The following PRKAR1A variants were observed in gnomAD, a reference collection of about 807,000 sequenced individuals.
PRKAR1A encodes the protein cAMP-dependent protein kinase type I-alpha regulatory subunit.
PRKAR1A carries 3 observed loss-of-function variants against 52.0 expected under a neutral mutation model. The observed-to-expected ratio is 0.06, with a 90% confidence interval of 0.03 to 0.15. The LOEUF (loss-of-function observed/expected upper bound fraction) is 0.15. PRKAR1A is among the 10% of genes least tolerant of loss of function. The pLI, the probability that PRKAR1A is intolerant of heterozygous loss-of-function variation, is 1.00. For synonymous variants in PRKAR1A, 188 were observed against 168.4 expected (o/e 1.12, Z -0.90); for missense variants, 240 against 477.4 (o/e 0.50, Z 4.63).
At chr17:68,426,161 C>T in the PRKAR1A span, 57 of 1,606,166 alleles carry the variant, frequency 3.5e-5, no homozygotes, top group South Asian at 6.6e-5. Flanking sequence ...AGCGCCCCGC[C>T]GTCCTCAGAA....
At position 68,531,513 on chromosome 17, in the gene PRKAR1A, T is replaced by A. The variant is rs2085974791; in HGVS notation, c.*1064T>A. 1.9e-6 allele frequency: 2 copies of A among 1,066,372 alleles called. No homozygotes were observed. Among genetic ancestry groups the A allele is most frequent in the East Asian group, 5.0e-5 (1 of 20,166 alleles). The allele number at this position is 1,066,372 out of a possible 1,614,324, so 66.1% of individuals were successfully genotyped here. A position where few individuals can be genotyped will look rare whatever the true frequency, so the allele number is the denominator to read the frequency against. On this transcript the variant is annotated 3_prime_UTR_variant, in exon 11 of 11. Transcript: ENST00000589228. ...GTGTCGGGAATTTTCCCCGTGACAT[T>A]CACTGGGGCATGAGATTTTGGAAGA...
chr17:68,535,472 A>G (rs9911549), downstream of PRKAR1A: 3,607 of 453,992 alleles, frequency 7.9e-3, 114 homozygotes, highest in African/African-American at 0.065. Flanking sequence ...ATTTTGTGCT[A>G]TTCTTTGAAT....
Position 68,531,603 on chromosome 17 carries a change from T to C in PRKAR1A, c.*1154T>C. ...TATTCAGCTAGAATTTCTGGTGGGT[T>C]GATGGTAGGGTATAATGTGTCTGTG... is the stretch of plus-strand genomic sequence containing the variant. On this transcript the variant is annotated 3_prime_UTR_variant, in exon 11 of 11. Transcript: ENST00000589228. The C allele has an allele frequency of 1.9e-5, 20 of 1,066,372 alleles. No homozygotes were observed. The highest frequency in any genetic ancestry group is 1.9e-5 in the Non-Finnish European group (17 of 879,664). 66.1% of individuals were successfully genotyped at this position (1,066,372 alleles called of 1,614,324 possible). A position where few individuals can be genotyped will look rare whatever the true frequency, so the allele number is the denominator to read the frequency against.
At chr17:68,464,606 G>A in the PRKAR1A span, among the ~76,000 whole-genome samples, 7 of 151,924 alleles carry the variant, frequency 4.6e-5, no homozygotes, top group East Asian at 5.9e-4. Flanking sequence ...GCTTGAACCC[G>A]GGAGGTGGAG....
At chr17:68,500,045 C>A in the PRKAR1A span, among the ~76,000 whole-genome samples, 1 of 152,166 alleles carries the variant, frequency 6.6e-6, no homozygotes, top group Non-Finnish European at 1.5e-5. Context: ...TTCTTATTTG[C>A]AAACAAAGAA....
chr17:68,468,431 G>A, the PRKAR1A span, among the ~76,000 whole-genome samples: 6 of 152,170 alleles, frequency 3.9e-5, no homozygotes, highest in Non-Finnish European at 8.8e-5. Flanking sequence ...GACGTTTTGA[G>A]TATTCCTTTA....
chr17:68,442,681 CA>C, the PRKAR1A span, among the ~76,000 whole-genome samples: 1 of 152,174 alleles, frequency 6.6e-6, no homozygotes, highest in East Asian at 1.9e-4. Flanking sequence ...AGGCCCAGCT[CA>C]GGCCCTGCCA....
At chr17:68,426,731 C>T in the PRKAR1A span, among the ~76,000 whole-genome samples, 2 of 152,126 alleles carry the variant, frequency 1.3e-5, no homozygotes, top group African/African-American at 4.8e-5. Context: ...GATGGGGTTT[C>T]ACCATGTTGG....
At position 68,531,889 on chromosome 17, in the gene PRKAR1A, A is replaced by G. The variant is rs2085985530; in HGVS notation, c.*1440A>G. Reference sequence around the variant, plus strand: ...TTATTTTCATTGTGATTTATATATAAGGTAATGTAGGGTTATATTTGGGAG... The same window carrying G: ...TTATTTTCATTGTGATTTATATATAGGGTAATGTAGGGTTATATTTGGGAG... On this transcript the variant is annotated 3_prime_UTR_variant, in exon 11 of 11. Coordinates refer to ENST00000589228, the MANE Select transcript of PRKAR1A (RefSeq NM_002734.5). 1.9e-6 allele frequency: 2 copies of G among 1,047,468 alleles called. No individual in the cohort carries two copies. The highest frequency in any genetic ancestry group is 4.6e-5 in the South Asian group (1 of 21,602). 64.9% of individuals were successfully genotyped at this position (1,047,468 alleles called of 1,614,324 possible).
At chr17:68,457,900 A>G in the PRKAR1A span, among the ~76,000 whole-genome samples, 1 of 152,196 alleles carries the variant, frequency 6.6e-6, no homozygotes, top group Non-Finnish European at 1.5e-5. Flanking sequence ...GAGAGGGAAG[A>G]AGGAATGCGG....
At chr17:68,528,759 C>G in intron 8 of PRKAR1A, 111 bp from the exon 9 acceptor site, 1 of 1,407,574 alleles carries the variant, frequency 7.1e-7, no homozygotes, top group South Asian at 1.2e-5. Context: ...TGAGACACTA[C>G]TAGAATGTTG....
At chr17:68,442,203 C>A in the PRKAR1A span, among the ~76,000 whole-genome samples, 8 of 152,140 alleles carry the variant, frequency 5.3e-5, no homozygotes, top group Non-Finnish European at 1.5e-5. Context: ...CTGACTCATG[C>A]CTATAATTCC....
At chr17:68,490,892 T>G in the PRKAR1A span, among the ~76,000 whole-genome samples, 2 of 152,122 alleles carry the variant, frequency 1.3e-5, no homozygotes, top group South Asian at 4.2e-4. Context: ...TGTTTATCCT[T>G]GAGGTTCTAG....
chr17:68,443,406 C>T, the PRKAR1A span, among the ~76,000 whole-genome samples: 1 of 152,210 alleles, frequency 6.6e-6, no homozygotes, highest in African/African-American at 2.4e-5. Context: ...AGCCACCGCA[C>T]CCGGCTAGCT....
intron 5 of PRKAR1A, 94 bp from the exon 6 acceptor site, chr17:68,524,818 T>C: frequency 1.0e-6 from 1 of 954,364 alleles, no homozygotes; most frequent in Non-Finnish European, 1.7e-6. Flanking sequence ...ACTCTCACAG[T>C]ACCACTGTAA....
chr17:68,481,138 G>T, the PRKAR1A span, among the ~76,000 whole-genome samples: 5 of 152,272 alleles, frequency 3.3e-5, no homozygotes, highest in East Asian at 3.9e-4. Flanking sequence ...TTTGCCTGTG[G>T]CATGTTTTTG....
the PRKAR1A span, among the ~76,000 whole-genome samples, chr17:68,449,418 A>C: frequency 1.3e-5 from 2 of 152,174 alleles, no homozygotes; most frequent in Admixed American, 1.3e-4. Context: ...TGAGCCCAGG[A>C]GTTTGAGACC....
rs2085988282 is a variant in PRKAR1A, at chr17:68,531,987, A to G, written c.*1538A>G. ...TTGATCCCTTCTCCTGCCCTTTCCC[A>G]GGTAATTTAAATTGGTCATGGTAGA... On this transcript the variant is annotated 3_prime_UTR_variant, in exon 11 of 11. Transcript: ENST00000589228. The G allele has an allele frequency of 3.8e-6, 4 of 1,065,888 alleles. No individual in the cohort carries two copies. The highest frequency in any genetic ancestry group is 4.5e-6 in the Non-Finnish European group (4 of 879,448). The allele number at this position is 1,065,888 out of a possible 1,614,324, so 66.0% of individuals were successfully genotyped here. A position where few individuals can be genotyped will look rare whatever the true frequency, so the allele number is the denominator to read the frequency against.
chr17:68,526,382 A>C (rs1040372017), intron 7 of PRKAR1A, among the ~76,000 whole-genome samples: 1 of 152,214 alleles, frequency 6.6e-6, no homozygotes, highest in African/African-American at 2.4e-5. Flanking sequence ...AAAATACTAA[A>C]ACCATTGGAA....
Sources: allele counts gnomAD v4.1 joint callset (sites outside exome capture counted in the v4.1 genomes callset), GRCh38; gene constraint gnomAD v4.1.1; transcripts MANE v1.5; gene names NCBI Gene and HGNC (gene_info 2026-07-23, HGNC 2026-07-21).